Variants in USP32 observed in about 807,000 individuals in gnomAD.
USP32 encodes ubiquitin specific peptidase 32, also known as ubiquitin carboxyl-terminal hydrolase 32.
A neutral mutation model predicts 204.8 loss-of-function variants in USP32; 59 were observed. The ratio of observed to expected loss-of-function variants is 0.29; its 90% CI spans 0.23 to 0.36. USP32 has a LOEUF of 0.36. Ranked by LOEUF, USP32 falls within the 10% of genes least tolerant of loss-of-function variation. The pLI is 1.00. For synonymous variants in USP32, 517 were observed against 678.4 expected, an observed-to-expected ratio of 0.76 and a Z score of 3.70; for missense variants, 1,160 against 1,946.4, an observed-to-expected ratio of 0.60 and a Z score of 7.60.
At chr17:60,228,514 T>G (rs1567784880) in intron 12 of USP32, among the ~76,000 whole-genome samples, 1 of 151,142 alleles carries the variant, frequency 6.6e-6, no homozygotes, top group Non-Finnish European at 1.5e-5. Flanking sequence ...TTTTTTTTTT[T>G]TTTTAATTAA....
chr17:60,213,007 C>T (rs1162018893), intron 18 of USP32, among the ~76,000 whole-genome samples: 1 of 152,202 alleles, frequency 6.6e-6, no homozygotes, highest in African/African-American at 2.4e-5. Flanking sequence ...CCCATCTCAG[C>T]CTCCCAAAGT....
chr17:60,184,416 G>T (rs1294066546), intron 30 of USP32, among the ~76,000 whole-genome samples: 1 of 151,760 alleles, frequency 6.6e-6, no homozygotes, highest in Non-Finnish European at 1.5e-5. Context: ...AACAACCAAT[G>T]TTATTAATTT....
At chr17:60,267,064 C>CA (rs1837587939) in intron 7 of USP32, among the ~76,000 whole-genome samples, 2 of 151,450 alleles carry the variant, frequency 1.3e-5, no homozygotes, top group Admixed American at 1.3e-4. Flanking sequence ...GGTACGATTA[C>CA]AGGCATGATG....
chr17:60,368,973 C>T (rs1379669734), intron 1 of USP32, among the ~76,000 whole-genome samples: 2 of 146,564 alleles, frequency 1.4e-5, no homozygotes, highest in Admixed American at 6.7e-5. Flanking sequence ...TACACATACA[C>T]GAATTATTTT....
At chr17:60,414,405 C>T (rs1268262758) in intron 1 of USP32, among the ~76,000 whole-genome samples, 2 of 151,370 alleles carry the variant, frequency 1.3e-5, no homozygotes, top group Non-Finnish European at 2.9e-5. Flanking sequence ...CTGACTCTAA[C>T]TTCCTTGGTG....
chr17:60,268,752 T>C (rs1401737821), intron 7 of USP32, among the ~76,000 whole-genome samples: 1 of 152,198 alleles, frequency 6.6e-6, no homozygotes, highest in Middle Eastern at 3.2e-3. Flanking sequence ...GAATTATGGC[T>C]ATTAAATCAA....
intron 9 of USP32, among the ~76,000 whole-genome samples, chr17:60,265,046 A>C (rs8076027): frequency 0.022 from 3,275 of 152,222 alleles, 138 homozygotes; most frequent in African/African-American, 0.075. Context: ...GACTTCATAT[A>C]AATGGAATCA....
At chr17:60,420,111 T>C (rs993498708) in intron 1 of USP32, among the ~76,000 whole-genome samples, 1 of 151,230 alleles carries the variant, frequency 6.6e-6, no homozygotes, top group Non-Finnish European at 1.5e-5. Flanking sequence ...TGTTTTATTT[T>C]ATTTATTTTG....
At chr17:60,391,431 G>A (rs1171280059) in intron 1 of USP32, among the ~76,000 whole-genome samples, 3 of 152,192 alleles carry the variant, frequency 2.0e-5, no homozygotes, top group Non-Finnish European at 2.9e-5. Context: ...TAGCAGAGAG[G>A]AGCGCTTTGC....
At chr17:60,240,441 G>T (rs1197041409) in intron 11 of USP32, among the ~76,000 whole-genome samples, 4 of 152,006 alleles carry the variant, frequency 2.6e-5, no homozygotes, top group African/African-American at 9.7e-5. Flanking sequence ...TGGGGAGAGG[G>T]AGAGAAGAAA....
intron 12 of USP32, among the ~76,000 whole-genome samples, chr17:60,227,338 C>T (rs1229460685): frequency 2.7e-5 from 4 of 147,440 alleles, no homozygotes; most frequent in Admixed American, 2.1e-4. Context: ...GGCGTGATCT[C>T]GGGTCACTGC....
chr17:60,401,906 C>T (rs2089938468), intron 1 of USP32, among the ~76,000 whole-genome samples: 1 of 152,008 alleles, frequency 6.6e-6, no homozygotes, highest in Non-Finnish European at 1.5e-5. Flanking sequence ...TCCCAGAAAA[C>T]CCATGGAGAA....
intron 19 of USP32, 60 bp downstream of exon 19, chr17:60,211,964 G>T (rs1451863461): frequency 6.5e-6 from 9 of 1,381,174 alleles, no homozygotes; most frequent in Non-Finnish European, 8.9e-6. Flanking sequence ...ACAGTTGAGA[G>T]AAGAAAAAAA....
intron 5 of USP32, among the ~76,000 whole-genome samples, chr17:60,279,933 G>A (rs112015986): frequency 0.035 from 5,277 of 151,492 alleles, 318 homozygotes; most frequent in African/African-American, 0.12. Context: ...TAAAAAATTA[G>A]TTAAGATGTA....
intron 12 of USP32, among the ~76,000 whole-genome samples, chr17:60,231,047 G>A (rs1054815034): frequency 1.3e-5 from 2 of 152,182 alleles, no homozygotes; most frequent in South Asian, 2.1e-4. Flanking sequence ...AGTTTCACCT[G>A]TAGAGAGAAA....
At chr17:60,249,808 G>A (rs1266631664) in intron 11 of USP32, 3 of 693,144 alleles carry the variant, frequency 4.3e-6, no homozygotes, top group East Asian at 2.7e-5. Context: ...TTGGGGAAAG[G>A]GTTGGCTGAG....
chr17:60,382,390 G>C (rs189933235), intron 1 of USP32, among the ~76,000 whole-genome samples: 1 of 152,042 alleles, frequency 6.6e-6, no homozygotes, highest in African/African-American at 2.4e-5. Context: ...CCCACAATTC[G>C]GGAGACCTGA....
At chr17:60,191,067 G>A (rs769365761) in intron 28 of USP32, among the ~76,000 whole-genome samples, 19 of 152,254 alleles carry the variant, frequency 1.2e-4, no homozygotes, top group Admixed American at 7.8e-4. Flanking sequence ...GTAACACCTA[G>A]CTCCTTGTCT....
chr17:60,407,292 G>A (rs1419737724), intron 1 of USP32, among the ~76,000 whole-genome samples: 2 of 152,130 alleles, frequency 1.3e-5, no homozygotes, highest in Admixed American at 6.6e-5. Flanking sequence ...GTAGCCATAA[G>A]TAGAGCTAAG....
Sources: allele counts gnomAD v4.1 joint callset (sites outside exome capture counted in the v4.1 genomes callset), GRCh38; gene constraint gnomAD v4.1.1; transcripts MANE v1.5; gene names NCBI Gene and HGNC (gene_info 2026-07-23, HGNC 2026-07-21).